Variants in NAALADL2 observed in about 807,000 individuals in gnomAD.
NAALADL2 encodes the protein N-acetylated alpha-linked acidic dipeptidase like 2, also known as inactive N-acetylated-alpha-linked acidic dipeptidase-like protein 2.
A neutral mutation model predicts 87.2 loss-of-function variants in NAALADL2; 76 were observed. That is an observed-to-expected ratio of 0.87 (90% CI 0.72 to 1.05). The LOEUF is 1.05. NAALADL2 is among the 50% of genes least tolerant of loss of function. The pLI, the probability that NAALADL2 is intolerant of heterozygous loss-of-function variation, is 0.00. For missense variants in NAALADL2, 1,089 were observed against 945.8 expected (o/e 1.15, Z -1.99); for synonymous variants, 354 against 331.0 (o/e 1.07, Z -0.75).
chr3:175,253,649 G>A (rs1200647875), intron 3 of NAALADL2, among the ~76,000 whole-genome samples: 3 of 152,138 alleles, frequency 2.0e-5, no homozygotes, highest in Non-Finnish European at 2.9e-5. Flanking sequence ...ATCTGAGAAA[G>A]TACATAGAAA....
At chr3:175,241,877 T>TTTTTTTC (rs869033664) in intron 3 of NAALADL2, among the ~76,000 whole-genome samples, 2 of 145,678 alleles carry the variant, frequency 1.4e-5, no homozygotes, top group Non-Finnish European at 3.0e-5. Context: ...TTTTTTTTTT[T>TTTTTTTC]CTTGAGACAG....
chr3:174,802,776 T>C (rs1412203396), intron 3 of NAALADL2, among the ~76,000 whole-genome samples: 1 of 152,164 alleles, frequency 6.6e-6, no homozygotes, highest in African/African-American at 2.4e-5. Flanking sequence ...AATGATGGTT[T>C]CCAGCTTCAT....
chr3:174,717,250 A>G (rs567165446), intron 2 of NAALADL2, among the ~76,000 whole-genome samples: 181 of 152,146 alleles, frequency 1.2e-3, no homozygotes, highest in African/African-American at 4.3e-3. Context: ...CTATTTTTTT[A>G]ATTGTGTCAA....
In NAALADL2 at chr3:175,504,101, T is replaced by G. The variant is rs1487578849; in HGVS notation, c.1653+32343T>G. ...GTCTTTAATGCATTTTGAGTTGATT[T>G]CTGTATAAATGTAAAGAATGTTTTA... On this transcript the variant is annotated intron_variant, in intron 9 of 13. Coordinates refer to ENST00000454872, the MANE Select transcript of NAALADL2 (RefSeq NM_207015.3). Among the ~76,000 whole-genome samples the G allele has an allele frequency of 3.3e-5, 5 of 152,360 alleles. No homozygotes were observed. The South Asian group carries it at 6.2e-4, about 19-fold the overall frequency.
chr3:175,304,476 G>C (rs1433045198), intron 4 of NAALADL2, among the ~76,000 whole-genome samples: 5 of 152,116 alleles, frequency 3.3e-5, no homozygotes, highest in Admixed American at 1.3e-4. Flanking sequence ...TTATAATTGA[G>C]ACAAAATGAC....
At chr3:175,284,558 AT>A (rs903524270) in intron 4 of NAALADL2, among the ~76,000 whole-genome samples, 1 of 151,946 alleles carries the variant, frequency 6.6e-6, no homozygotes, top group Non-Finnish European at 1.5e-5. Context: ...CAATCCAACA[AT>A]TTGTTTTCTT....
intron 2 of NAALADL2, among the ~76,000 whole-genome samples, chr3:175,191,002 A>AAAG (rs367581139): frequency 1.3e-3 from 191 of 151,838 alleles, no homozygotes; most frequent in African/African-American, 4.4e-3. Context: ...AAAAAAAGAA[A>AAAG]AAGAAAAGTA....
At chr3:175,542,011 A>G (rs898071443) in intron 9 of NAALADL2, among the ~76,000 whole-genome samples, 1 of 152,090 alleles carries the variant, frequency 6.6e-6, no homozygotes, top group Non-Finnish European at 1.5e-5. Context: ...GCCACTGCAC[A>G]TGGACTATGT....
chr3:174,899,022 T>C (rs1441430830), intron 1 of NAALADL2, among the ~76,000 whole-genome samples: 1 of 152,152 alleles, frequency 6.6e-6, no homozygotes, highest in African/African-American at 2.4e-5. Flanking sequence ...TTATGGAGTT[T>C]TTAAAAGGAG....
In NAALADL2 at chr3:174,488,078, G is replaced by A. The variant is rs75294715; in HGVS notation, c.-184+47046G>A. On this transcript the variant is annotated intron_variant, in intron 1 of 3. Coordinates refer to the NAALADL2 transcript ENST00000434257. ...CGATACATTGGGAGAAGAATAAATT[G>A]GAGATAGCTCAGAAGTTTAGTAATA... Among the ~76,000 whole-genome samples the A allele has an allele frequency of 4.4e-3, 663 of 152,078 alleles. 2 individuals carry two copies. Among genetic ancestry groups the A allele is most frequent in the Admixed American group, 8.4e-3 (128 of 15,240 alleles).
At chr3:174,542,323 G>A (rs544599404) in intron 1 of NAALADL2, among the ~76,000 whole-genome samples, 24 of 152,246 alleles carry the variant, frequency 1.6e-4, no homozygotes, top group Admixed American at 1.4e-3. Flanking sequence ...AAGGGCAGAG[G>A]TCTCTCTTCT....
intron 9 of NAALADL2, among the ~76,000 whole-genome samples, chr3:175,547,556 A>G (rs1030651278): frequency 1.3e-5 from 2 of 152,164 alleles, no homozygotes; most frequent in Non-Finnish European, 2.9e-5. Context: ...AAATTGACAA[A>G]ATGGAATCTA....
At chr3:174,906,663 T>C (rs1475491003) in intron 1 of NAALADL2, among the ~76,000 whole-genome samples, 2 of 152,134 alleles carry the variant, frequency 1.3e-5, no homozygotes, top group African/African-American at 4.8e-5. Flanking sequence ...CAGTCATGCT[T>C]CATATAAGAC....
chr3:175,338,440 G>C (rs1448467121), intron 5 of NAALADL2, among the ~76,000 whole-genome samples: 1 of 151,902 alleles, frequency 6.6e-6, no homozygotes, highest in African/African-American at 2.4e-5. Context: ...TAAGGAGATA[G>C]GAGTTGGGGA....
chr3:175,047,648 G>T (rs1362286517), intron 1 of NAALADL2, among the ~76,000 whole-genome samples: 1 of 152,108 alleles, frequency 6.6e-6, no homozygotes, highest in Non-Finnish European at 1.5e-5. Context: ...TAGTGTCTCA[G>T]ACGGTTTTAG....
chr3:175,718,658 G>T, intron 11 of NAALADL2: 1 of 1,578,820 alleles, frequency 6.3e-7, no homozygotes. Flanking sequence ...CGAGCCCGTG[G>T]TGGCTGCCAT....
intron 9 of NAALADL2, among the ~76,000 whole-genome samples, chr3:175,504,316 A>G (rs2149376571): frequency 6.6e-6 from 1 of 152,318 alleles, no homozygotes; most frequent in East Asian, 1.9e-4. Flanking sequence ...GTTGGAATTG[A>G]ATGAATATAT....
intron 10 of NAALADL2, among the ~76,000 whole-genome samples, chr3:175,579,080 T>C (rs1420123760): frequency 6.6e-6 from 1 of 152,218 alleles, no homozygotes; most frequent in Non-Finnish European, 1.5e-5. Flanking sequence ...TTATAGCTGC[T>C]TCCACTTTCA....
intron 1 of NAALADL2, among the ~76,000 whole-genome samples, chr3:175,019,884 A>G (rs9825461): frequency 0.091 from 13,874 of 152,122 alleles, 628 homozygotes; most frequent in Middle Eastern, 0.21. Flanking sequence ...TCAGCCTGAG[A>G]TATCTGTAGT....
Sources: gnomAD v4.1 joint callset for allele counts (sites outside exome capture counted in the v4.1 genomes callset) on GRCh38, gnomAD v4.1.1 for gene constraint, MANE v1.5 for transcripts, NCBI Gene and HGNC (gene_info 2026-07-23, HGNC 2026-07-21) for gene names.